DCP1A: variants seen among roughly 807,000 people sequenced by gnomAD.
DCP1A encodes mRNA-decapping enzyme 1A.
A neutral mutation model predicts 58.0 loss-of-function variants in DCP1A; 20 were observed. The observed-to-expected ratio is 0.34, with a 90% CI of 0.24 to 0.50. The LOEUF (loss-of-function observed/expected upper bound fraction) is 0.50, where lower values mean the gene tolerates loss of function less well. Among genes scored for constraint, DCP1A ranks in the 20% least tolerant of loss-of-function variants. The pLI is 0.98. For missense variants in DCP1A, 613 were observed against 712.2 expected, an observed-to-expected ratio of 0.86 and a Z score of 1.59; for synonymous variants, 285 against 275.1, an observed-to-expected ratio of 1.04 and a Z score of -0.36.
At position 53,329,143 on chromosome 3, in the gene DCP1A, A is replaced by G. The variant is rs1331208926; in HGVS notation, c.305-9670T>C. Reference sequence around the variant, plus strand: ...AGGAAATTTCTTGCGCTGTGCTTTAAAAGTCTGAAGATTTGCTCCAAATGC... The same window carrying G: ...AGGAAATTTCTTGCGCTGTGCTTTAGAAGTCTGAAGATTTGCTCCAAATGC... On this transcript the variant is annotated intron_variant, in intron 3 of 9. Transcript: ENST00000610213. The G allele has an allele frequency of 1.5e-4, 59 of 389,190 alleles. No individual in the cohort carries two copies. The East Asian group carries it at 1.9e-3, about 13-fold the overall frequency. 24.1% of individuals were successfully genotyped at this position (389,190 alleles called of 1,614,324 possible).
intron 4 of DCP1A, among the ~76,000 whole-genome samples, chr3:53,319,148 T>TA (rs1707891804): frequency 6.6e-6 from 1 of 152,066 alleles, no homozygotes; most frequent in Non-Finnish European, 1.5e-5. Context: ...CCTATTTTTG[T>TA]AAAAAAACAA....
intron 3 of DCP1A, among the ~76,000 whole-genome samples, chr3:53,338,943 A>G (rs2089160658): frequency 6.6e-6 from 1 of 152,174 alleles, no homozygotes; most frequent in Non-Finnish European, 1.5e-5. Flanking sequence ...TCACTGTTCT[A>G]GTACATTAAC....
chr3:53,319,692 T>C (rs1323402579), intron 3 of DCP1A, among the ~76,000 whole-genome samples: 1 of 152,222 alleles, frequency 6.6e-6, no homozygotes, highest in African/African-American at 2.4e-5. Flanking sequence ...AAAATAGTTT[T>C]AGACATTATC....
intron 8 of DCP1A, among the ~76,000 whole-genome samples, chr3:53,289,227 C>T (rs1488976876): frequency 6.6e-6 from 1 of 150,776 alleles, no homozygotes; most frequent in Non-Finnish European, 1.5e-5. Flanking sequence ...TCCCAAAGTG[C>T]TGGGGTTACA....
intron 4 of DCP1A, among the ~76,000 whole-genome samples, chr3:53,318,885 G>T (rs1253407720): frequency 6.6e-6 from 1 of 151,898 alleles, no homozygotes. Context: ...GGTATCACTT[G>T]TTACAGTGGA....
intron 5 of DCP1A, among the ~76,000 whole-genome samples, chr3:53,305,350 T>C (rs1372531343): frequency 1.3e-5 from 2 of 152,092 alleles, no homozygotes; most frequent in African/African-American, 2.4e-5. Context: ...CAAAAATTTT[T>C]TTTTCTTTTT....
intron 6 of DCP1A, among the ~76,000 whole-genome samples, chr3:53,299,534 T>G (rs142328469): frequency 6.6e-6 from 1 of 152,210 alleles, no homozygotes; most frequent in Non-Finnish European, 1.5e-5. Context: ...ATTTTACATG[T>G]CTGTTTGGAG....
At chr3:53,304,426 T>C (rs753212046) in intron 5 of DCP1A, 136 bp from the exon 6 acceptor site, 16 of 619,978 alleles carry the variant, frequency 2.6e-5, no homozygotes, top group Non-Finnish European at 4.5e-5. Flanking sequence ...AAATGTTTGC[T>C]CTGTACTCCA....
chr3:53,304,204 T>C lies in DCP1A; in HGVS notation c.597A>G (p.Glu199=). ...LSNLGSTETL[E]EMPSGSQDKS... Reference sequence around the variant, plus strand: ...TATCCTGTGACCCGGAGGGCATTTCTTCTAGAGTCTCGGTGCTTCCCAGAT... The same window carrying C: ...TATCCTGTGACCCGGAGGGCATTTCCTCTAGAGTCTCGGTGCTTCCCAGAT... The change falls in exon 6 of 10, where the codon GAA becomes GAG. Residue 199 remains glutamate, a synonymous_variant. Transcript: ENST00000610213. 1 of 1,613,830 alleles carries C rather than the reference T, an allele frequency of 6.2e-7. No individual in the cohort carries two copies. The highest frequency in any genetic ancestry group is 1.6e-4 in the Middle Eastern group (1 of 6,062).
At chr3:53,292,863 C>A (rs782451268) in intron 6 of DCP1A, 36 bp from the exon 7 acceptor site, 20 of 1,570,704 alleles carry the variant, frequency 1.3e-5, no homozygotes, top group Non-Finnish European at 1.7e-5. Context: ...TCAAAGAGGT[C>A]TGTTATAAAT....
intron 5 of DCP1A, among the ~76,000 whole-genome samples, chr3:53,310,567 G>A (rs1450565675): frequency 2.0e-5 from 3 of 152,234 alleles, no homozygotes; most frequent in Admixed American, 6.5e-5. Context: ...ACAGAACAAA[G>A]TATGTACGTA....
chr3:53,308,146 TATG>T (rs1553688287), intron 5 of DCP1A, among the ~76,000 whole-genome samples: 1 of 152,224 alleles, frequency 6.6e-6, no homozygotes, highest in Non-Finnish European at 1.5e-5. Flanking sequence ...GTGGTAGAAC[TATG>T]ATATTTTCTT....
chr3:53,335,131 T>TATA (rs1559705019), intron 3 of DCP1A, among the ~76,000 whole-genome samples: 2 of 147,646 alleles, frequency 1.4e-5, no homozygotes, highest in African/African-American at 5.1e-5. Context: ...ATATATATAT[T>TATA]TTTTTTATTT....
intron 4 of DCP1A, among the ~76,000 whole-genome samples, chr3:53,319,100 T>C (rs1707890579): frequency 6.6e-6 from 1 of 152,126 alleles, no homozygotes; most frequent in Non-Finnish European, 1.5e-5. Context: ...CCTGGAAAAA[T>C]GCTGTTGATA....
chr3:53,344,583 C>T (rs1460658940), intron 2 of DCP1A, among the ~76,000 whole-genome samples: 2 of 152,218 alleles, frequency 1.3e-5, no homozygotes, highest in East Asian at 3.9e-4. Flanking sequence ...TTGTCTTTTC[C>T]CCAAATATAT....
chr3:53,327,113 C>A (rs782264693), intron 3 of DCP1A, among the ~76,000 whole-genome samples: 1 of 152,034 alleles, frequency 6.6e-6, no homozygotes, highest in Non-Finnish European at 1.5e-5. Context: ...ATTTCCTAGG[C>A]TTCCAAAAAT....
rs550933532 is a variant in DCP1A, at chr3:53,332,794, C to T, written c.304+9350G>A. ...GCAGGAGAATGGCGTGAACCCGGGT[C>T]GTGGAGCTTGCCTAGATCGCCCCAC... On this transcript the variant is annotated intron_variant, in intron 3 of 9. Transcript: ENST00000610213. Among the ~76,000 whole-genome samples the T allele has an allele frequency of 7.1e-4, 108 of 151,074 alleles. 1 individual carries two copies. Among genetic ancestry groups the T allele is most frequent in the Middle Eastern group, 6.8e-3 (2 of 292 alleles).
At chr3:53,301,974 G>A (rs997508006) in intron 6 of DCP1A, among the ~76,000 whole-genome samples, 1 of 152,182 alleles carries the variant, frequency 6.6e-6, no homozygotes, top group Non-Finnish European at 1.5e-5. Flanking sequence ...AGAGGTAGAC[G>A]CAGAGGCAGA....
chr3:53,289,073 C>T (rs1463352414), intron 8 of DCP1A, among the ~76,000 whole-genome samples: 1 of 151,178 alleles, frequency 6.6e-6, no homozygotes, highest in East Asian at 2.0e-4. Context: ...TGCAGTGGTG[C>T]AGTCACCACT....
Sources: gnomAD v4.1 joint callset for allele counts (sites outside exome capture counted in the v4.1 genomes callset) on GRCh38, gnomAD v4.1.1 for gene constraint, MANE v1.5 for transcripts, NCBI Gene and HGNC (gene_info 2026-07-23, HGNC 2026-07-21) for gene names.